NEBL: variants seen among roughly 807,000 people sequenced by gnomAD.
The protein encoded by NEBL is nebulette.
NEBL carries 122 observed loss-of-function variants against 140.2 expected under a neutral mutation model. That is an observed-to-expected ratio of 0.87 (90% CI 0.75 to 1.01). NEBL has a LOEUF of 1.01. Ranked by LOEUF, NEBL falls within the 50% of genes least tolerant of loss-of-function variation. NEBL has a pLI of 0.00. For missense variants in NEBL, 1,365 were observed against 1,231.3 expected, an observed-to-expected ratio of 1.11 and a Z score of -1.62; for synonymous variants, 436 against 398.9, an observed-to-expected ratio of 1.09 and a Z score of -1.11.
Position 21,037,318 on chromosome 10 carries a change from C to T in NEBL, c.165-17117G>A, listed in dbSNP as rs1469738919. ...CGAGCACAAGAGAATAAGGCTAGCC[C>T]TGGAAGGAGCAGATAATTCATGCAT... On this transcript the variant is annotated intron_variant, in intron 2 of 6. Coordinates refer to the NEBL transcript ENST00000417816. Among the ~76,000 whole-genome samples, 5 of 152,114 alleles carry T rather than the reference C, an allele frequency of 3.3e-5. No homozygotes were observed. The East Asian group carries it at 9.7e-4, about 29-fold the overall frequency.
intron 7 of NEBL, among the ~76,000 whole-genome samples, chr10:20,861,845 T>A (rs1843728227): frequency 6.6e-6 from 1 of 152,140 alleles, no homozygotes; most frequent in Admixed American, 6.6e-5. Context: ...TTCCTCAACT[T>A]ATGATGGGGT....
intron 7 of NEBL, among the ~76,000 whole-genome samples, chr10:20,865,593 A>C (rs969574517): frequency 1.3e-5 from 2 of 152,112 alleles, no homozygotes; most frequent in African/African-American, 2.4e-5. Flanking sequence ...GCGAAGTTGT[A>C]AGAGGCCAGT....
chr10:21,082,535 TAAAAAAAAAAAAAAAAA>T (rs61234594), intron 2 of NEBL, among the ~76,000 whole-genome samples: 1 of 117,304 alleles, frequency 8.5e-6, no homozygotes, highest in African/African-American at 4.0e-5. Flanking sequence ...CCACCACCAC[TAAAAAAAAAAAAAAAAA>T]AAAAAAAAAA....
Position 20,858,305 on chromosome 10 carries a change from C to T in NEBL, c.838G>A (p.Val280Ile), listed in dbSNP as rs1370027424. Residue 280 changes from valine (V) to isoleucine (I), a missense_variant, in exon 9 of 28, where the codon GTT (valine) becomes ATT (isoleucine). Coordinates refer to ENST00000377122, the MANE Select transcript of NEBL (RefSeq NM_006393.3). ...AACAACAAATTTGGGAGATCTGAAACTGGATCATGCATATTTTGAATGTCT... is the reference window on the plus strand; with the variant it reads ...AACAACAAATTTGGGAGATCTGAAATTGGATCATGCATATTTTGAATGTCT... ...KKDIQNMHDP[V>I]SDLPNLLFLD... The T allele has an allele frequency of 1.2e-6, 2 of 1,610,298 alleles. No individual in the cohort carries two copies. The highest frequency in any genetic ancestry group is 2.7e-5 in the African/African-American group (2 of 74,832).
chr10:20,945,412 C>T (rs1490281068), intron 4 of NEBL, among the ~76,000 whole-genome samples: 2 of 152,102 alleles, frequency 1.3e-5, no homozygotes, highest in Non-Finnish European at 2.9e-5. Flanking sequence ...TAGTGTCAAG[C>T]TCAGAAAAGG....
At position 20,787,113 on chromosome 10, in the gene NEBL, T is replaced by C. The variant is rs561108450; in HGVS notation, c.2868+89A>G. On this transcript the variant is annotated intron_variant, in intron 27 of 27. Transcript: ENST00000377122. ...TATCTTTAAATGAAAATACCCAATA[T>C]TCAATTCAACTCTATTCCACATGTA... 175 of 1,023,684 alleles carry C rather than the reference T, an allele frequency of 1.7e-4. 3 individuals carry two copies. The South Asian group carries it at 2.1e-3, about 12-fold the overall frequency. 63.4% of individuals were successfully genotyped at this position (1,023,684 alleles called of 1,614,324 possible).
Position 20,801,759 on chromosome 10 carries a change from C to T in NEBL, c.2761+6751G>A, listed in dbSNP as rs147685791. ...TGATGCACTGCCCTCTTGATATATGCTATGAACAATAAACTGAGAGTTCCA... is the reference window on the plus strand; with the variant it reads ...TGATGCACTGCCCTCTTGATATATGTTATGAACAATAAACTGAGAGTTCCA... On this transcript the variant is annotated intron_variant, in intron 26 of 27. Transcript: ENST00000377122. Among the ~76,000 whole-genome samples, 7 of 152,200 alleles carry T rather than the reference C, an allele frequency of 4.6e-5. No homozygotes were observed. In the East Asian group the frequency reaches 5.8e-4, roughly 13 times the overall value.
chr10:20,799,528 G>A (rs764494704), intron 26 of NEBL, among the ~76,000 whole-genome samples: 7 of 152,202 alleles, frequency 4.6e-5, no homozygotes, highest in Non-Finnish European at 7.4e-5. Flanking sequence ...TTGGACAAAT[G>A]TAAACACAAC....
chr10:20,800,771 T>C (rs1274041721), intron 26 of NEBL, among the ~76,000 whole-genome samples: 1 of 152,106 alleles, frequency 6.6e-6, no homozygotes, highest in Non-Finnish European at 1.5e-5. Context: ...AGCGGACCAC[T>C]GAGAAGGTCT....
intron 2 of NEBL, among the ~76,000 whole-genome samples, chr10:21,092,920 A>G (rs1836989921): frequency 6.6e-6 from 1 of 152,060 alleles, no homozygotes; most frequent in Non-Finnish European, 1.5e-5. Flanking sequence ...ATATTACTCT[A>G]AAGTCTTTCT....
intron 2 of NEBL, among the ~76,000 whole-genome samples, chr10:21,106,974 T>A (rs1054212080): frequency 6.6e-6 from 1 of 152,200 alleles, no homozygotes; most frequent in Non-Finnish European, 1.5e-5. Context: ...CACTCATGAT[T>A]TGGCTCTCTG....
At chr10:21,013,146 T>C (rs1386678263) in intron 3 of NEBL, among the ~76,000 whole-genome samples, 1 of 152,160 alleles carries the variant, frequency 6.6e-6, no homozygotes, top group Non-Finnish European at 1.5e-5. Context: ...ATCGCAAAGG[T>C]TGGAGTTAAC....
intron 16 of NEBL, 77 bp downstream of exon 16, chr10:20,831,119 A>T: frequency 9.6e-7 from 1 of 1,042,566 alleles, no homozygotes; most frequent in South Asian, 1.3e-5. Flanking sequence ...GAAAGATATC[A>T]TTCATAGAGA....
intron 3 of NEBL, among the ~76,000 whole-genome samples, chr10:20,985,397 A>C (rs1466997955): frequency 5.3e-5 from 8 of 152,186 alleles, no homozygotes; most frequent in Non-Finnish European, 1.0e-4. Context: ...ACTCACAAAA[A>C]ATTTTGTTCA....
intron 3 of NEBL, among the ~76,000 whole-genome samples, chr10:21,004,356 A>C (rs1838030011): frequency 6.6e-6 from 1 of 152,190 alleles, no homozygotes; most frequent in Non-Finnish European, 1.5e-5. Context: ...TTGGAAAAAA[A>C]ATGCCAGGAG....
chr10:20,839,934 C>G (rs1841254867), intron 13 of NEBL, among the ~76,000 whole-genome samples: 1 of 152,122 alleles, frequency 6.6e-6, no homozygotes, highest in African/African-American at 2.4e-5. Flanking sequence ...GTGAAGATAA[C>G]AGAACCAAGA....
chr10:20,828,670 A>G (rs1429976949), intron 16 of NEBL, 36 bp from the exon 17 acceptor site: 1 of 1,359,390 alleles, frequency 7.4e-7, no homozygotes, highest in Admixed American at 1.8e-5. Flanking sequence ...ATCTGAAACT[A>G]TGTGTGTGCG....
intron 3 of NEBL, among the ~76,000 whole-genome samples, chr10:20,971,814 T>G (rs573741295): frequency 6.6e-6 from 1 of 152,124 alleles, no homozygotes; most frequent in East Asian, 1.9e-4. Context: ...AAGGTTTCAC[T>G]GCATTAGCCA....
chr10:20,907,789 T>C (rs565084114), intron 4 of NEBL, among the ~76,000 whole-genome samples: 2 of 152,350 alleles, frequency 1.3e-5, no homozygotes, highest in East Asian at 1.9e-4. Flanking sequence ...TTCTGATTTC[T>C]GCTCCCAGCA....
Sources: allele counts gnomAD v4.1 joint callset (sites outside exome capture counted in the v4.1 genomes callset), GRCh38; gene constraint gnomAD v4.1.1; transcripts MANE v1.5; gene names NCBI Gene and HGNC (gene_info 2026-07-23, HGNC 2026-07-21).